Variants in WASHC4 observed in about 807,000 individuals in gnomAD.
WASHC4 encodes the protein WASH complex subunit 7.
Under a neutral mutation model 166.6 loss-of-function variants are expected in WASHC4, and 86 were observed. That is an observed-to-expected ratio of 0.52 (90% CI 0.43 to 0.62). The LOEUF (loss-of-function observed/expected upper bound fraction) is 0.62, where lower values mean the gene tolerates loss of function less well. Among genes scored for constraint, WASHC4 ranks in the 20% least tolerant of loss-of-function variants. WASHC4 has a pLI of 0.00. For synonymous variants in WASHC4, 446 were observed against 451.6 expected (o/e 0.99, Z 0.16); for missense variants, 1,262 against 1,382.4 (o/e 0.91, Z 1.38).
chr12:105,141,035 G>A lies in WASHC4; in HGVS notation c.1697G>A (p.Gly566Asp). ...ATTGTTTCTTTGGCACTAAGTGTTG[G>A]CACACAAATGGTAAGTGTATTGCTA... ...RLIVSLALSVGTQMKTFKDEE... is the reference protein window; with the variant it reads ...RLIVSLALSVDTQMKTFKDEE... The change falls in exon 17 of 33, where the codon GGC (glycine) becomes GAC (aspartate). Residue 566 changes from glycine (G) to aspartate (D), a missense_variant. By Grantham distance (94) the Gly-to-Asp change is moderately conservative. Transcript: ENST00000332180. 6.2e-7 allele frequency: 1 copy of A among 1,614,102 alleles called. No homozygotes were observed. Among genetic ancestry groups the A allele is most frequent in the Non-Finnish European group, 8.5e-7 (1 of 1,179,994 alleles).
At chr12:105,138,836 A>G (rs778365700) in intron 15 of WASHC4, among the ~76,000 whole-genome samples, 47 of 152,278 alleles carry the variant, frequency 3.1e-4, no homozygotes, top group African/African-American at 9.9e-4. Flanking sequence ...ATAAATATGT[A>G]ATACATAAGC....
At chr12:105,123,757 C>T (rs563402995) in intron 10 of WASHC4, among the ~76,000 whole-genome samples, 13 of 152,324 alleles carry the variant, frequency 8.5e-5, no homozygotes, top group African/African-American at 3.1e-4. Flanking sequence ...CCACACTTAG[C>T]AACAGATTTT....
In WASHC4 at chr12:105,157,238, T is replaced by A. The variant is rs1305532221; in HGVS notation, c.2828T>A (p.Phe943Tyr). Reference protein sequence around the residue: ...GLHCSSNAIRFVPDLEDIVNF... With the variant: ...GLHCSSNAIRYVPDLEDIVNF... The stretch of plus-strand genomic sequence containing the variant: ...TGCCTTCCCAAATTCTTATGTAGAT[T>A]TGTTCCTGATCTTGAAGATATTGTA... The change falls in exon 28 of 33, where the codon TTT (phenylalanine) becomes TAT (tyrosine). Residue 943 changes from phenylalanine to tyrosine, a missense_variant and splice_region_variant. Transcript: ENST00000332180. 1.4e-6 allele frequency: 2 copies of A among 1,473,840 alleles called. No homozygotes were observed. Among genetic ancestry groups the A allele is most frequent in the African/African-American group, 2.8e-5 (2 of 72,190 alleles). 91.3% of individuals were successfully genotyped at this position (1,473,840 alleles called of 1,614,324 possible).
At chr12:105,159,180 A>G (rs1884344011) in intron 28 of WASHC4, among the ~76,000 whole-genome samples, 1 of 152,166 alleles carries the variant, frequency 6.6e-6, no homozygotes. Flanking sequence ...GATGCCATTC[A>G]CTCCGAAAGT....
Position 105,163,859 on chromosome 12 carries a change from TGTTA to T in WASHC4, c.3158-247_3158-244del, listed in dbSNP as rs56234320. 1.6e-3 allele frequency among the ~76,000 whole-genome samples: 242 copies of T among 150,528 alleles called. 1 individual carries two copies. The highest frequency in any genetic ancestry group is 3.4e-3 in the Middle Eastern group (1 of 294). ...TTTCTCCTGGTGATTTATATGGCCA[TGTTA>T]GTTATTTATTTTCTTCTTAATTGAC... On this transcript the variant is annotated intron_variant, in intron 30 of 32. Transcript: ENST00000332180.
chr12:105,123,334 A>G (rs1262528566), intron 10 of WASHC4, among the ~76,000 whole-genome samples: 1 of 152,168 alleles, frequency 6.6e-6, no homozygotes, highest in Non-Finnish European at 1.5e-5. Flanking sequence ...GGGAAAGCAG[A>G]GATAGGCTGA....
At chr12:105,164,398 A>G (rs536169135) in intron 31 of WASHC4, 91 bp downstream of exon 31, 1 of 1,147,610 alleles carries the variant, frequency 8.7e-7, no homozygotes, top group East Asian at 2.4e-5. Context: ...CCATATAGAA[A>G]CTACCATTTT....
intron 13 of WASHC4, among the ~76,000 whole-genome samples, chr12:105,131,332 C>T (rs1379231887): frequency 6.0e-5 from 9 of 151,096 alleles, no homozygotes; most frequent in Non-Finnish European, 8.9e-5. Flanking sequence ...ATGATCCACC[C>T]GCCTCGGCCT....
chr12:105,153,252 A>C (rs1883906684), intron 26 of WASHC4, among the ~76,000 whole-genome samples: 1 of 152,190 alleles, frequency 6.6e-6, no homozygotes, highest in Non-Finnish European at 1.5e-5. Flanking sequence ...TTTATCAAGC[A>C]TTTACTAAGC....
chr12:105,138,118 A>G, intron 15 of WASHC4, 107 bp downstream of exon 15: 1 of 1,130,542 alleles, frequency 8.8e-7, no homozygotes, highest in Non-Finnish European at 1.2e-6. Flanking sequence ...AGAACAGAAA[A>G]TTGTGAGAAA....
At chr12:105,138,264 A>T (rs1882491640) in intron 15 of WASHC4, among the ~76,000 whole-genome samples, 1 of 151,880 alleles carries the variant, frequency 6.6e-6, no homozygotes, top group Admixed American at 6.6e-5. Context: ...AAAAAAAGTT[A>T]ATGTAGTGAG....
intron 7 of WASHC4, among the ~76,000 whole-genome samples, chr12:105,118,766 G>A (rs1159448587): frequency 1.3e-5 from 2 of 152,110 alleles, no homozygotes; most frequent in Non-Finnish European, 2.9e-5. Context: ...CAAGAAATTT[G>A]ACCATATAGA....
chr12:105,159,918 C>G, intron 28 of WASHC4, 83 bp from the exon 29 acceptor site: 1 of 1,261,138 alleles, frequency 7.9e-7, no homozygotes, highest in South Asian at 1.2e-5. Flanking sequence ...TTCAAGTGTT[C>G]TTATCTAAAC....
chr12:105,157,015 A>C (rs1884205174), intron 27 of WASHC4, among the ~76,000 whole-genome samples: 1 of 152,230 alleles, frequency 6.6e-6, no homozygotes, highest in Non-Finnish European at 1.5e-5. Flanking sequence ...AATATGGTTT[A>C]TGAATGCATG....
rs1295497107 is a variant in WASHC4, at chr12:105,147,095, G to A, written c.2463G>A (p.Arg821=). 3 of 1,611,612 alleles carry A rather than the reference G, an allele frequency of 1.9e-6. No homozygotes were observed. Among genetic ancestry groups the A allele is most frequent in the East Asian group, 2.2e-5 (1 of 44,836 alleles). Residue 821 remains arginine, a synonymous_variant, in exon 24 of 33, where the codon CGG becomes CGA. Transcript: ENST00000332180. ...AGCATTTGAATACTATTAATATTCG[G>A]CATATTGCTAATTCAATTCGAACAC... is the stretch of plus-strand genomic sequence containing the variant. The part of the protein sequence containing the change: ...NNKHLNTINI[R]HIANSIRTHG...
chr12:105,139,739 T>C (rs1304390671), intron 15 of WASHC4, among the ~76,000 whole-genome samples: 1 of 152,018 alleles, frequency 6.6e-6, no homozygotes, highest in Admixed American at 6.6e-5. Flanking sequence ...ATTTTGGGTC[T>C]TCTTATATCC....
chr12:105,121,630 C>T (rs1880757887), intron 9 of WASHC4, among the ~76,000 whole-genome samples: 1 of 152,176 alleles, frequency 6.6e-6, no homozygotes, highest in South Asian at 2.1e-4. Context: ...ACCTCAGCCT[C>T]CCAAGTAGCT....
chr12:105,141,213 A>T lies in WASHC4; in HGVS notation c.1754A>T (p.Lys585Ile). ...CTCTTTCCACTTCAAGTAGTCATGA[A>T]AAAACTGGATCTTATTAGTGAACTT... is the stretch of plus-strand genomic sequence containing the variant. ...EELFPLQVVM[K>I]KLDLISELRE... is the part of the protein sequence containing the mutation. The change falls in exon 18 of 33, where the codon AAA (lysine) becomes ATA (isoleucine). Residue 585 changes from lysine (K) to isoleucine (I), a missense_variant. By Grantham distance (102) the Lys-to-Ile change is moderately radical. Coordinates refer to ENST00000332180, the MANE Select transcript of WASHC4 (RefSeq NM_015275.3). 6.2e-7 allele frequency: 1 copy of T among 1,612,926 alleles called. No homozygotes were observed. The highest frequency in any genetic ancestry group is 8.5e-7 in the Non-Finnish European group (1 of 1,178,878).
In WASHC4 at chr12:105,167,224, A is replaced by C. The variant is rs1884859378; in HGVS notation, c.*293A>C. ...GGCAAATCCAGATTCATAAACTATCACCTCGGATTTCTTGTAATCTACATG... is the reference window on the plus strand; with the variant it reads ...GGCAAATCCAGATTCATAAACTATCCCCTCGGATTTCTTGTAATCTACATG... On this transcript the variant is annotated 3_prime_UTR_variant, in exon 33 of 33. Coordinates refer to ENST00000332180, the MANE Select transcript of WASHC4 (RefSeq NM_015275.3). The C allele has an allele frequency of 2.7e-6, 1 of 367,954 alleles. No individual in the cohort carries two copies. 22.8% of individuals were successfully genotyped at this position (367,954 alleles called of 1,614,324 possible).
Sources: gnomAD v4.1 joint callset for allele counts (sites outside exome capture counted in the v4.1 genomes callset) on GRCh38, gnomAD v4.1.1 for gene constraint, MANE v1.5 for transcripts, NCBI Gene and HGNC (gene_info 2026-07-23, HGNC 2026-07-21) for gene names.